ITGB6: variants seen among roughly 807,000 people sequenced by gnomAD.
ITGB6 encodes integrin beta-6.
Under a neutral mutation model 84.5 loss-of-function variants are expected in ITGB6, and 80 were observed. The ratio of observed to expected loss-of-function variants is 0.95; its 90% CI spans 0.79 to 1.14. The LOEUF (loss-of-function observed/expected upper bound fraction) is 1.14, where lower values mean the gene tolerates loss of function less well. Among genes scored for constraint, ITGB6 ranks in the 50% most tolerant of loss-of-function variants. The probability of loss-of-function intolerance (pLI) is 0.00; values close to 1 mark genes in which losing one functional copy is unlikely to be tolerated. For synonymous variants in ITGB6, 383 were observed against 354.9 expected (o/e 1.08, Z -0.89); for missense variants, 1,006 against 968.0 (o/e 1.04, Z -0.52).
rs56082404 is a variant in ITGB6 at position 160,101,974 on chromosome 2, A to G, written c.2269-140T>C. On this transcript the variant is annotated intron_variant, in intron 14 of 14. Coordinates refer to ENST00000283249, the MANE Select transcript of ITGB6 (RefSeq NM_000888.5). The stretch of plus-strand genomic sequence containing the variant: ...ACAATTTTGATTAATTTGGCATTTC[A>G]TATGTTTAGTGTTTTGCAATTTATA... 9,001 of 608,462 alleles carry G rather than the reference A, an allele frequency of 0.015. 433 individuals are homozygous for G. The highest frequency in any genetic ancestry group is 0.13 in the African/African-American group (6,760 of 53,498). 37.7% of individuals were successfully genotyped at this position (608,462 alleles called of 1,614,324 possible).
In ITGB6 at chr2:160,123,900, A is replaced by G. The variant is rs1422443912; in HGVS notation, c.1884-12T>C. 2 of 1,598,442 alleles carry G rather than the reference A, an allele frequency of 1.3e-6. No individual in the cohort carries two copies. Among genetic ancestry groups the G allele is most frequent in the Admixed American group, 3.4e-5 (2 of 59,480 alleles). On this transcript the variant is annotated splice_polypyrimidine_tract_variant and intron_variant, in intron 11 of 14. Coordinates refer to ENST00000283249, the MANE Select transcript of ITGB6 (RefSeq NM_000888.5). ...ACTCAATGCAGCTCCTGTGGACAGT[A>G]TCCAACAGTGTATCAGTTCATGCTG...
chr2:160,135,886 C>T (rs1355039680), intron 10 of ITGB6, among the ~76,000 whole-genome samples: 1 of 152,122 alleles, frequency 6.6e-6, no homozygotes, highest in Non-Finnish European at 1.5e-5. Flanking sequence ...TTCCTTACAC[C>T]TTATACTAAA....
At chr2:160,136,082 C>T (rs1683700463) in intron 10 of ITGB6, among the ~76,000 whole-genome samples, 1 of 152,146 alleles carries the variant, frequency 6.6e-6, no homozygotes, top group Admixed American at 6.5e-5. Flanking sequence ...AGAGCTTCTG[C>T]ACAGTAAAAG....
At chr2:160,123,711 C>T in intron 12 of ITGB6, 80 bp downstream of exon 12, 1 of 1,032,800 alleles carries the variant, frequency 9.7e-7, no homozygotes, top group Non-Finnish European at 1.5e-6. Context: ...ACTAAATAGC[C>T]CTCGATTCAC....
chr2:160,169,173 A>G, intron 7 of ITGB6, 39 bp downstream of exon 7: 8 of 1,169,938 alleles, frequency 6.8e-6, no homozygotes, highest in South Asian at 1.3e-5. Context: ...CATGTCACAT[A>G]ATCTCCTTGA....
intron 12 of ITGB6, among the ~76,000 whole-genome samples, chr2:160,121,749 C>T (rs1373829991): frequency 1.4e-5 from 2 of 140,362 alleles, no homozygotes; most frequent in Admixed American, 1.5e-4. Context: ...GCCGGGGAGA[C>T]AGGGTAAGGC....
At chr2:160,155,057 C>T (rs1684572862) in intron 7 of ITGB6, among the ~76,000 whole-genome samples, 1 of 152,214 alleles carries the variant, frequency 6.6e-6, no homozygotes, top group Non-Finnish European at 1.5e-5. Context: ...TTCTCCGCGC[C>T]TGCTTTTCCT....
At chr2:160,138,730 C>T (rs1683872207) in intron 8 of ITGB6, among the ~76,000 whole-genome samples, 1 of 152,194 alleles carries the variant, frequency 6.6e-6, no homozygotes, top group Non-Finnish European at 1.5e-5. Flanking sequence ...ATATTTGCTT[C>T]ATTGATAACA....
intron 3 of ITGB6, 58 bp from the exon 4 acceptor site, chr2:160,195,673 C>A (rs2105898119): frequency 6.2e-7 from 1 of 1,600,014 alleles, no homozygotes; most frequent in East Asian, 2.2e-5. Context: ...TTATTTGCTA[C>A]TGGCCACTCG....
chr2:160,150,321 G>C (rs1033640260), intron 7 of ITGB6, among the ~76,000 whole-genome samples: 3 of 152,152 alleles, frequency 2.0e-5, no homozygotes, highest in Non-Finnish European at 2.9e-5. Context: ...TTAAAGAAAA[G>C]AATTTTCAAC....
At chr2:160,128,386 G>A (rs1242611663) in intron 10 of ITGB6, among the ~76,000 whole-genome samples, 1 of 152,126 alleles carries the variant, frequency 6.6e-6, no homozygotes, top group East Asian at 1.9e-4. Context: ...ATGGAGTGTG[G>A]CAGGTGGGGA....
chr2:160,101,191 C>T lies in ITGB6; in HGVS notation c.*545G>A, dbSNP rs1696705225. The T allele has an allele frequency of 6.6e-6, 1 of 152,490 alleles. No homozygotes were observed. The highest frequency in any genetic ancestry group is 1.5e-5 in the Non-Finnish European group (1 of 68,316). 9.4% of individuals were successfully genotyped at this position (152,490 alleles called of 1,614,324 possible). A position where few individuals can be genotyped will look rare whatever the true frequency, so the allele number is the denominator to read the frequency against. ...ATTCACAAAAATTATTAACACTTAA[C>T]TTTCAACCTTATATTTGAGATATCT... On this transcript the variant is annotated 3_prime_UTR_variant, in exon 15 of 15. Coordinates refer to ENST00000283249, the MANE Select transcript of ITGB6 (RefSeq NM_000888.5).
Position 160,200,092 on chromosome 2 carries a change from T to C in ITGB6, c.-29A>G. 1 of 1,599,364 alleles carries C rather than the reference T, an allele frequency of 6.3e-7. No individual in the cohort carries two copies. ...TTTCAGTTCTTGCTGTGCAGACCGA[T>C]TAAAAAATGAATTACCTTCAGCGTT... On this transcript the variant is annotated 5_prime_UTR_variant, in exon 1 of 15. Coordinates refer to ENST00000283249, the MANE Select transcript of ITGB6 (RefSeq NM_000888.5).
In ITGB6 at chr2:160,101,778, T is replaced by A. The variant is rs765704356; in HGVS notation, c.2325A>T (p.Lys775Asn). ...GGTCTACCTTTTGTTTTTCCCTGTG[T>A]TTATAAGTTACATTTTTAAAAGTAC... The part of the protein sequence containing the change: ...STSTFKNVTY[K>N]HREKQKVDLS... The change falls in exon 15 of 15, where the codon AAA becomes AAT. Residue 775 changes from lysine (K) to asparagine (N), a missense_variant. Coordinates refer to ENST00000283249, the MANE Select transcript of ITGB6 (RefSeq NM_000888.5). 6.2e-7 allele frequency: 1 copy of A among 1,603,312 alleles called. No individual in the cohort carries two copies. The highest frequency in any genetic ancestry group is 1.7e-5 in the Admixed American group (1 of 59,970).
intron 4 of ITGB6, among the ~76,000 whole-genome samples, chr2:160,177,634 T>C (rs1465172541): frequency 6.6e-6 from 1 of 152,146 alleles, no homozygotes; most frequent in Admixed American, 6.5e-5. Context: ...GTCTTTTAAT[T>C]TTGTTCATGG....
intron 7 of ITGB6, among the ~76,000 whole-genome samples, chr2:160,155,662 A>T (rs1011784015): frequency 6.6e-6 from 1 of 152,180 alleles, no homozygotes; most frequent in African/African-American, 2.4e-5. Context: ...TTCTCAAAAG[A>T]TGCCTTTAAG....
intron 12 of ITGB6, among the ~76,000 whole-genome samples, chr2:160,122,390 T>C (rs1303455924): frequency 6.6e-6 from 1 of 152,230 alleles, no homozygotes; most frequent in East Asian, 1.9e-4. Context: ...ACTCCTTTTT[T>C]TCCTCAACAC....
intron 12 of ITGB6, among the ~76,000 whole-genome samples, chr2:160,119,369 A>G (rs1682929684): frequency 2.6e-5 from 4 of 152,146 alleles, no homozygotes; most frequent in Non-Finnish European, 5.9e-5. Flanking sequence ...CCGCATATCT[A>G]CAACTATCTG....
intron 7 of ITGB6, among the ~76,000 whole-genome samples, chr2:160,151,108 A>G (rs1462708469): frequency 6.6e-6 from 1 of 152,200 alleles, no homozygotes; most frequent in Non-Finnish European, 1.5e-5. Context: ...ATAGATGTCT[A>G]CAGAACTCTC....
Sources: allele counts gnomAD v4.1 joint callset (sites outside exome capture counted in the v4.1 genomes callset), GRCh38; gene constraint gnomAD v4.1.1; transcripts MANE v1.5; gene names NCBI Gene and HGNC (gene_info 2026-07-23, HGNC 2026-07-21).